The following SLC38A10 variants were observed in gnomAD, a reference collection of about 807,000 sequenced individuals.
SLC38A10 encodes the protein Sodium-coupled neutral amino acid transporter 10.
Under a neutral mutation model 81.0 loss-of-function variants are expected in SLC38A10, and 53 were observed. The observed-to-expected ratio is 0.65, with a 90% confidence interval of 0.53 to 0.82. The LOEUF is 0.82. SLC38A10 is among the 40% of genes least tolerant of loss of function. SLC38A10 has a pLI of 0.00. For missense variants in SLC38A10, 1,471 were observed against 1,545.0 expected (o/e 0.95, Z 0.80); for synonymous variants, 665 against 655.3 (o/e 1.01, Z -0.23).
intron 8 of SLC38A10, 66 bp downstream of exon 8, chr17:81,275,902 TG>T: frequency 1.3e-6 from 2 of 1,504,642 alleles, no homozygotes; most frequent in Non-Finnish European, 9.0e-7. Flanking sequence ...TCGGGACAGC[TG>T]GGGGCTTATG....
intron 14 of SLC38A10, chr17:81,247,340 G>C (rs952042385): frequency 3.0e-6 from 1 of 333,702 alleles, no homozygotes; most frequent in Non-Finnish European, 5.5e-6. Context: ...TGCCGCATCA[G>C]TTCTCCCACT....
rs1008348299 is a variant in SLC38A10 at position 81,268,752 on chromosome 17, T to C, written c.1131+2166A>G. Among the ~76,000 whole-genome samples, 4 of 151,038 alleles carry C rather than the reference T, an allele frequency of 2.6e-5. No individual in the cohort carries two copies. In the East Asian group the frequency reaches 7.7e-4, roughly 29 times the overall value. ...TAAAAGCAAAAACAGAAAAAGGACA[T>C]ATGAGACAAATAATAGGACATAAGT... On this transcript the variant is annotated intron_variant, in intron 10 of 15. Coordinates refer to ENST00000374759, the MANE Select transcript of SLC38A10 (RefSeq NM_001037984.3).
chr17:81,246,453 G>A lies in SLC38A10; in HGVS notation c.2463C>T (p.Gly821=). 2 of 1,585,562 alleles carry A rather than the reference G, an allele frequency of 1.3e-6. No individual in the cohort carries two copies. The highest frequency in any genetic ancestry group is 1.7e-6 in the Non-Finnish European group (2 of 1,166,806). The change falls in exon 16 of 16, where the codon GGC becomes GGT. Residue 821 remains glycine, a synonymous_variant. Transcript: ENST00000374759. ...GRDPAGPPDG[G]PDTEPRAAQA... ...GGGCTGCCCGAGGCTCTGTGTCAGG[G>A]CCGCCGTCAGGAGGGCCAGCAGGGT...
Position 81,245,244 on chromosome 17 carries a change from A to G in SLC38A10, c.*312T>C. ...CTGACCACAGACGCAGCAGCTCCCC[A>G]GCCTGAGCCTGGGAGTGCACCAGCC... On this transcript the variant is annotated 3_prime_UTR_variant, in exon 16 of 16. Transcript: ENST00000374759. The G allele has an allele frequency of 3.2e-6, 1 of 312,552 alleles. No homozygotes were observed. The highest frequency in any genetic ancestry group is 6.8e-5 in the South Asian group (1 of 14,674). 19.4% of individuals were successfully genotyped at this position (312,552 alleles called of 1,614,324 possible).
chr17:81,289,590 AG>A lies in SLC38A10; in HGVS notation c.217+100del, dbSNP rs2063293803. On this transcript the variant is annotated intron_variant, in intron 2 of 15. Transcript: ENST00000374759. This position sits in a 1 kb window ranked among gnomAD's most constrained non-coding sequence, Gnocchi z 5.9. ...AAAATAAAAAAAACCCTGCTATCCA[AG>A]GAATTCTTGAAGAATCAAGTAGAGT... 1 of 823,988 alleles carries A rather than the reference AG, an allele frequency of 1.2e-6. No homozygotes were observed. The highest frequency in any genetic ancestry group is 1.8e-5 in the African/African-American group (1 of 56,176). The allele number at this position is 823,988 out of a possible 1,614,324, so 51.0% of individuals were successfully genotyped here.
intron 14 of SLC38A10, 138 bp downstream of exon 14, chr17:81,251,355 T>G: frequency 6.2e-7 from 1 of 1,612,284 alleles, no homozygotes. Flanking sequence ...CTCCGAGGGG[T>G]CTGCTCAGCA....
chr17:81,276,045 A>G lies in SLC38A10; in HGVS notation c.836T>C (p.Met279Thr). Residue 279 changes from methionine to threonine, a missense_variant, in exon 8 of 16, where the codon ATG (methionine) becomes ACG (threonine). Physicochemically the swap from Met to Thr is moderately conservative, Grantham distance 81 (BLOSUM62 -1). This residue lies in a region of SLC38A10 where 720 missense variants were observed against 827.7 expected (regional missense o/e 0.87). Coordinates refer to ENST00000374759, the MANE Select transcript of SLC38A10 (RefSeq NM_001037984.3). The surrounding 1 kb of genome is among the most constrained non-coding windows in gnomAD (Gnocchi z 4.7). ...VTEMLRVGFMMSVAVGFPMMI... is the reference protein window; with the variant it reads ...VTEMLRVGFMTSVAVGFPMMI... ...CATGGGGAAGCCCACAGCCACTGACATCATGAAGCCCACACGGAGCATCTC... is the reference window on the plus strand; with the variant it reads ...CATGGGGAAGCCCACAGCCACTGACGTCATGAAGCCCACACGGAGCATCTC... 3.1e-6 allele frequency: 5 copies of G among 1,613,978 alleles called. No homozygotes were observed. The highest frequency in any genetic ancestry group is 4.2e-6 in the Non-Finnish European group (5 of 1,180,018).
At chr17:81,290,611 T>G (rs951240522) in intron 1 of SLC38A10, among the ~76,000 whole-genome samples, 3 of 152,142 alleles carry the variant, frequency 2.0e-5, no homozygotes, top group Non-Finnish European at 2.9e-5. Flanking sequence ...GTGTGGAGAT[T>G]TGGCTGATGA....
chr17:81,264,580 G>A (rs1476462718), intron 10 of SLC38A10: 1 of 152,348 alleles, frequency 6.6e-6, no homozygotes, highest in Non-Finnish European at 1.5e-5. Flanking sequence ...GCAGAGAGAA[G>A]CACCAGGGGC....
chr17:81,295,130 G>T lies in SLC38A10; in HGVS notation c.-209C>A. On this transcript the variant is annotated 5_prime_UTR_variant, in exon 1 of 16. Transcript: ENST00000374759. ...GAGGAGGCAGCCTCGAAGGCCGGCTGCGGGGGCGAGGTCAACCTCCGGACC... is the reference window on the plus strand; with the variant it reads ...GAGGAGGCAGCCTCGAAGGCCGGCTTCGGGGGCGAGGTCAACCTCCGGACC... 1 of 866,870 alleles carries T rather than the reference G, an allele frequency of 1.2e-6. No individual in the cohort carries two copies. The highest frequency in any genetic ancestry group is 1.5e-6 in the Non-Finnish European group (1 of 667,770). The allele number at this position is 866,870 out of a possible 1,614,324, so 53.7% of individuals were successfully genotyped here. A position where few individuals can be genotyped will look rare whatever the true frequency, so the allele number is the denominator to read the frequency against.
At chr17:81,260,170 G>C in intron 11 of SLC38A10, 68 bp downstream of exon 11, 2 of 1,514,742 alleles carry the variant, frequency 1.3e-6, no homozygotes, top group Non-Finnish European at 1.8e-6. Flanking sequence ...ACAATCCTCG[G>C]ACCAGACCCA....
At chr17:81,271,153 G>A in intron 9 of SLC38A10, 129 bp from the exon 10 acceptor site, 2 of 723,288 alleles carry the variant, frequency 2.8e-6, no homozygotes, top group East Asian at 2.7e-5. Context: ...CGTGAGCCGG[G>A]AGCAGAGACG....
chr17:81,287,010 G>A (rs2063273212), intron 2 of SLC38A10, among the ~76,000 whole-genome samples: 1 of 152,222 alleles, frequency 6.6e-6, no homozygotes, highest in Non-Finnish European at 1.5e-5. Flanking sequence ...GTCTTCTGAA[G>A]AGGGGATTTA....
chr17:81,280,088 C>T (rs958890686), intron 6 of SLC38A10: 5 of 440,530 alleles, frequency 1.1e-5, no homozygotes, highest in South Asian at 3.2e-5. Context: ...ACGAATCACT[C>T]GCTCTTGTCA....
intron 8 of SLC38A10, among the ~76,000 whole-genome samples, chr17:81,274,080 G>A (rs759389308): frequency 2.0e-5 from 3 of 152,224 alleles, no homozygotes; most frequent in Non-Finnish European, 4.4e-5. Context: ...AATGGGTCAC[G>A]TACAGAAATA....
intron 2 of SLC38A10, among the ~76,000 whole-genome samples, chr17:81,287,354 C>T (rs1369149600): frequency 2.0e-5 from 3 of 152,212 alleles, no homozygotes; most frequent in Admixed American, 1.3e-4. Flanking sequence ...CCCAGCCCGG[C>T]GCCTCCTGAA....
At chr17:81,282,163 G>A (rs1406755121) in intron 5 of SLC38A10, 26 bp downstream of exon 5, 2 of 1,610,322 alleles carry the variant, frequency 1.2e-6, no homozygotes, top group Non-Finnish European at 1.7e-6. Context: ...CCTTTCAGCG[G>A]GTACCCACGC....
At chr17:81,280,362 C>A (rs1215651056) in intron 6 of SLC38A10, among the ~76,000 whole-genome samples, 1 of 152,224 alleles carries the variant, frequency 6.6e-6, no homozygotes, top group Non-Finnish European at 1.5e-5. Context: ...TTGTGGGGAT[C>A]TGGCAAACCA....
At chr17:81,275,693 C>T (rs2063154217) in intron 8 of SLC38A10, among the ~76,000 whole-genome samples, 1 of 132,642 alleles carries the variant, frequency 7.5e-6, no homozygotes, top group Non-Finnish European at 1.5e-5. Context: ...GATCGCGCCA[C>T]TGCACTCCAG....
Sources: gnomAD v4.1 joint callset for allele counts (sites outside exome capture counted in the v4.1 genomes callset) on GRCh38, gnomAD v4.1.1 for gene constraint, gnomAD v4.1.1 regional missense constraint, Gnocchi (gnomAD v3.1) non-coding constraint, MANE v1.5 for transcripts, NCBI Gene and HGNC (gene_info 2026-07-23, HGNC 2026-07-21) for gene names.